The following BUB1B variants were observed in gnomAD, a reference collection of about 807,000 sequenced individuals.
BUB1B encodes BUB1 mitotic checkpoint serine/threonine kinase B.
BUB1B carries 86 observed loss-of-function variants against 137.7 expected under a neutral mutation model. The ratio of observed to expected loss-of-function variants is 0.62; its 90% CI spans 0.52 to 0.75. The LOEUF (loss-of-function observed/expected upper bound fraction) is 0.75, where lower values mean the gene tolerates loss of function less well. Among genes scored for constraint, BUB1B ranks in the 30% least tolerant of loss-of-function variants. The pLI is 0.00. For missense variants in BUB1B, 1,130 were observed against 1,236.9 expected (o/e 0.91, Z 1.30); for synonymous variants, 420 against 417.9 (o/e 1.00, Z -0.06).
chr15:40,176,341 G>C, intron 4 of BUB1B, 136 bp from the exon 5 acceptor site: 1 of 846,680 alleles, frequency 1.2e-6, no homozygotes, highest in Non-Finnish European at 1.9e-6. Flanking sequence ...TCCCAGTATG[G>C]TCCTTATCAC....
rs142200161 is a variant in BUB1B at position 40,180,382 on chromosome 15, C to T, written c.582-3332C>T. Among the ~76,000 whole-genome samples the T allele has an allele frequency of 1.7e-3, 263 of 151,284 alleles. 1 individual carries two copies. The highest frequency in any genetic ancestry group is 6.1e-3 in the African/African-American group (251 of 41,262). ...AAGTGATTCTCTTGCCTCAGCCTCC[C>T]GAGTAGCTGAGTAGCTGGGACTATA... On this transcript the variant is annotated intron_variant, in intron 5 of 22. Coordinates refer to ENST00000287598, the MANE Select transcript of BUB1B (RefSeq NM_001211.6).
chr15:40,185,752 G>A, intron 8 of BUB1B, 110 bp downstream of exon 8: 1 of 1,012,708 alleles, frequency 9.9e-7, no homozygotes, highest in Non-Finnish European at 1.5e-6. Context: ...AAGTAACCAG[G>A]CCAGGCGCAG....
chr15:40,165,014 A>G (rs1162968268), intron 1 of BUB1B, 39 bp from the exon 2 acceptor site: 3 of 1,612,944 alleles, frequency 1.9e-6, no homozygotes, highest in Non-Finnish European at 2.5e-6. Flanking sequence ...ATAATAGTCA[A>G]TGTTGGTATG....
At chr15:40,169,607 T>G (rs2037137818) in intron 2 of BUB1B, among the ~76,000 whole-genome samples, 1 of 147,070 alleles carries the variant, frequency 6.8e-6, no homozygotes, top group Non-Finnish European at 1.5e-5. Flanking sequence ...ATTATTTCTA[T>G]TCTTTTTTTT....
intron 20 of BUB1B, among the ~76,000 whole-genome samples, chr15:40,216,875 C>T (rs1349022071): frequency 6.6e-6 from 1 of 151,336 alleles, no homozygotes; most frequent in African/African-American, 2.4e-5. Flanking sequence ...ATAGATAAAC[C>T]CAAGGAAAAC....
At chr15:40,175,983 C>T (rs1440699359) in intron 4 of BUB1B, among the ~76,000 whole-genome samples, 1 of 152,076 alleles carries the variant, frequency 6.6e-6, no homozygotes, top group Non-Finnish European at 1.5e-5. Context: ...GGGTCTCACT[C>T]TGTCACCCAG....
intron 8 of BUB1B, among the ~76,000 whole-genome samples, chr15:40,193,358 G>T (rs2037459436): frequency 6.6e-6 from 1 of 151,396 alleles, no homozygotes. Context: ...ACTCTAATAG[G>T]TGTGCAGCAG....
At chr15:40,202,827 C>T (rs567632301) in intron 14 of BUB1B, 133 bp downstream of exon 14, 24 of 788,882 alleles carry the variant, frequency 3.0e-5, no homozygotes, top group Non-Finnish European at 3.9e-5. Flanking sequence ...CATTACTACT[C>T]AACAGGGAAA....
chr15:40,219,251 G>A (rs1487177649), intron 22 of BUB1B, among the ~76,000 whole-genome samples: 2 of 152,052 alleles, frequency 1.3e-5, no homozygotes, highest in East Asian at 3.8e-4. Flanking sequence ...AAGTTAATAA[G>A]CATCCTTTGA....
At chr15:40,172,543 A>C (rs2037176247) in intron 4 of BUB1B, among the ~76,000 whole-genome samples, 2 of 152,218 alleles carry the variant, frequency 1.3e-5, no homozygotes, top group Non-Finnish European at 2.9e-5. Context: ...TGTATATTTA[A>C]TAGTCATTAA....
At chr15:40,185,793 G>A (rs2037354221) in intron 8 of BUB1B, 151 bp downstream of exon 8, 3 of 776,978 alleles carry the variant, frequency 3.9e-6, no homozygotes, top group Non-Finnish European at 6.6e-6. Flanking sequence ...AGCACAGGCT[G>A]AGGCAGGAGG....
chr15:40,210,565 A>G (rs886134313), intron 18 of BUB1B, among the ~76,000 whole-genome samples: 1 of 152,176 alleles, frequency 6.6e-6, no homozygotes, highest in African/African-American at 2.4e-5. Flanking sequence ...GCTGGAGTAC[A>G]GTAGCATGAT....
intron 16 of BUB1B, 90 bp from the exon 17 acceptor site, chr15:40,209,545 T>C: frequency 2.3e-6 from 3 of 1,302,056 alleles, no homozygotes; most frequent in Non-Finnish European, 3.2e-6. Flanking sequence ...GTAATCTTGA[T>C]TTTTTTTTTC....
At chr15:40,168,095 C>T (rs1489089062) in intron 2 of BUB1B, among the ~76,000 whole-genome samples, 4 of 150,204 alleles carry the variant, frequency 2.7e-5, no homozygotes, top group East Asian at 2.0e-4. Context: ...AGGCTGGGCA[C>T]GGTGGCTCAA....
At chr15:40,219,337 TA>T (rs1360530693) in intron 22 of BUB1B, among the ~76,000 whole-genome samples, 4 of 152,210 alleles carry the variant, frequency 2.6e-5, no homozygotes, top group African/African-American at 4.8e-5. Context: ...CCAAACCAGA[TA>T]ACTGACTCTC....
intron 4 of BUB1B, among the ~76,000 whole-genome samples, chr15:40,173,247 G>A (rs1408001709): frequency 1.4e-5 from 2 of 141,138 alleles, no homozygotes; most frequent in Non-Finnish European, 3.0e-5. Flanking sequence ...TCATGCCACT[G>A]TACTCCAGCC....
At chr15:40,166,327 TTCTC>T (rs1168127051) in intron 2 of BUB1B, 3 of 436,542 alleles carry the variant, frequency 6.9e-6, no homozygotes, top group African/African-American at 4.1e-5. Flanking sequence ...AGACATAATT[TTCTC>T]TCTCTCTCTT....
chr15:40,172,733 T>C lies in BUB1B; in HGVS notation c.384+2052T>C, dbSNP rs1310588677. Among the ~76,000 whole-genome samples, 3 of 152,172 alleles carry C rather than the reference T, an allele frequency of 2.0e-5. No individual in the cohort carries two copies. In the East Asian group the frequency reaches 5.8e-4, roughly 29 times the overall value. On this transcript the variant is annotated intron_variant, in intron 4 of 22. Transcript: ENST00000287598. ...AACTGTAGTTACAAGTATAGAAAATTAGGTAAATCCTGAAGCCATGAGGTA... is the reference window on the plus strand; with the variant it reads ...AACTGTAGTTACAAGTATAGAAAATCAGGTAAATCCTGAAGCCATGAGGTA...
At chr15:40,203,521 G>T (rs1235972406) in intron 14 of BUB1B, among the ~76,000 whole-genome samples, 1 of 151,988 alleles carries the variant, frequency 6.6e-6, no homozygotes, top group Non-Finnish European at 1.5e-5. Flanking sequence ...ACTTTAAAAG[G>T]GTCAATTTTA....
Sources: allele counts gnomAD v4.1 joint callset (sites outside exome capture counted in the v4.1 genomes callset), GRCh38; gene constraint gnomAD v4.1.1; transcripts MANE v1.5; gene names NCBI Gene and HGNC (gene_info 2026-07-23, HGNC 2026-07-21).